Variants in DLG2 observed in about 807,000 individuals in gnomAD.
The protein encoded by DLG2 is discs large MAGUK scaffold protein 2, also known as disks large homolog 2.
DLG2 carries 45 observed loss-of-function variants against 132.5 expected under a neutral mutation model. The ratio of observed to expected loss-of-function variants is 0.34; its 90% CI spans 0.27 to 0.44. The LOEUF is 0.44. Among genes scored for constraint, DLG2 ranks in the 20% least tolerant of loss-of-function variants. The probability of loss-of-function intolerance (pLI) is 1.00; values close to 1 mark genes in which losing one functional copy is unlikely to be tolerated. For missense variants in DLG2, 1,045 were observed against 1,196.9 expected, an observed-to-expected ratio of 0.87 and a Z score of 1.87; for synonymous variants, 424 against 419.6, an observed-to-expected ratio of 1.01 and a Z score of -0.13.
intron 17 of DLG2, among the ~76,000 whole-genome samples, chr11:83,827,636 A>G (rs1359284770): frequency 2.6e-5 from 4 of 152,170 alleles, no homozygotes; most frequent in Admixed American, 2.0e-4. Flanking sequence ...TGGGGTGATC[A>G]TTTTTGGATG....
chr11:85,066,468 C>A (rs570118538), intron 6 of DLG2, among the ~76,000 whole-genome samples: 5 of 151,642 alleles, frequency 3.3e-5, no homozygotes, highest in African/African-American at 1.2e-4. Flanking sequence ...ACTCTGATGA[C>A]AAAGACAGGC....
At chr11:85,565,007 A>G (rs2077451958) in intron 3 of DLG2, among the ~76,000 whole-genome samples, 1 of 152,010 alleles carries the variant, frequency 6.6e-6, no homozygotes, top group South Asian at 2.1e-4. Context: ...GGTAAATTGT[A>G]CTGTATTATT....
At chr11:85,232,770 A>T (rs1055066612) in intron 4 of DLG2, among the ~76,000 whole-genome samples, 6 of 151,988 alleles carry the variant, frequency 3.9e-5, no homozygotes, top group African/African-American at 1.4e-4. Context: ...AGACAAAATA[A>T]TTTATCTAAA....
intron 8 of DLG2, among the ~76,000 whole-genome samples, chr11:84,241,375 C>A (rs183204321): frequency 3.6e-4 from 55 of 152,264 alleles, no homozygotes; most frequent in African/African-American, 1.3e-3. Flanking sequence ...GAAGAAGAGC[C>A]TTCGGGGAAG....
At chr11:84,020,190 G>A (rs1198404944) in intron 11 of DLG2, among the ~76,000 whole-genome samples, 2 of 152,020 alleles carry the variant, frequency 1.3e-5, no homozygotes, top group East Asian at 3.8e-4. Context: ...AGAGAATTTT[G>A]TACATCAAGG....
At chr11:85,306,633 C>T (rs779353184) in intron 3 of DLG2, among the ~76,000 whole-genome samples, 1 of 152,082 alleles carries the variant, frequency 6.6e-6, no homozygotes, top group Non-Finnish European at 1.5e-5. Context: ...TGCAGTGGTA[C>T]GATCTTGGCT....
intron 6 of DLG2, among the ~76,000 whole-genome samples, chr11:85,010,713 G>A (rs2059081066): frequency 6.6e-6 from 1 of 152,046 alleles, no homozygotes; most frequent in African/African-American, 2.4e-5. Flanking sequence ...CTAGAGATCT[G>A]TTTTGCTTGG....
intron 6 of DLG2, among the ~76,000 whole-genome samples, chr11:84,832,941 G>C (rs1012573900): frequency 1.3e-5 from 2 of 151,506 alleles, no homozygotes; most frequent in African/African-American, 4.8e-5. Flanking sequence ...ATCTGTGCCA[G>C]GGTATATCAC....
chr11:84,766,559 C>T lies in DLG2; in HGVS notation c.358-231828G>A, dbSNP rs554525558. Among the ~76,000 whole-genome samples, 3 of 152,146 alleles carry T rather than the reference C, an allele frequency of 2.0e-5. No individual in the cohort carries two copies. In the East Asian group the frequency reaches 5.8e-4, roughly 29 times the overall value. ...GCATAATGTGGAGAACATAACAGCT[C>T]ATCAGTAAATAATTGTTAAACAAAT... On this transcript the variant is annotated intron_variant, in intron 6 of 27. Coordinates refer to ENST00000376104, the MANE Select transcript of DLG2 (RefSeq NM_001142699.3).
chr11:85,376,416 A>G (rs1180538280), intron 3 of DLG2, among the ~76,000 whole-genome samples: 5 of 152,192 alleles, frequency 3.3e-5, no homozygotes, highest in African/African-American at 9.6e-5. Context: ...GGACTCTCCT[A>G]CTCATGGTCT....
At chr11:84,088,667 T>G (rs979768882) in intron 10 of DLG2, among the ~76,000 whole-genome samples, 5 of 152,192 alleles carry the variant, frequency 3.3e-5, no homozygotes, top group African/African-American at 1.2e-4. Context: ...CTTGTCCAAG[T>G]ACTCTATAAA....
chr11:84,283,593 T>C (rs575412662), intron 7 of DLG2, among the ~76,000 whole-genome samples: 87 of 152,342 alleles, frequency 5.7e-4, no homozygotes, highest in African/African-American at 2.0e-3. Context: ...AAGGTAATTG[T>C]AGATTCACCT....
chr11:84,188,985 C>T (rs979701263), intron 8 of DLG2, among the ~76,000 whole-genome samples: 1 of 152,130 alleles, frequency 6.6e-6, no homozygotes, highest in African/African-American at 2.4e-5. Flanking sequence ...AGCCCATTAA[C>T]TAATAAAATT....
At chr11:85,095,338 G>C (rs1042683640) in intron 6 of DLG2, among the ~76,000 whole-genome samples, 1 of 152,160 alleles carries the variant, frequency 6.6e-6, no homozygotes, top group East Asian at 1.9e-4. Context: ...AGAAAACACA[G>C]TATCTGTGAA....
chr11:84,465,327 T>C (rs1343430291), intron 7 of DLG2, among the ~76,000 whole-genome samples: 2 of 151,264 alleles, frequency 1.3e-5, no homozygotes, highest in Admixed American at 1.3e-4. Flanking sequence ...AGTGGGTTTT[T>C]GTTTTTATTT....
At chr11:84,536,100 G>A (rs927779766) in intron 6 of DLG2, among the ~76,000 whole-genome samples, 2 of 151,916 alleles carry the variant, frequency 1.3e-5, no homozygotes, top group African/African-American at 4.8e-5. Context: ...ATACTTTCTG[G>A]GGCAAGGTAG....
intron 6 of DLG2, among the ~76,000 whole-genome samples, chr11:84,917,615 C>T (rs2092548132): frequency 6.6e-6 from 1 of 152,108 alleles, no homozygotes; most frequent in African/African-American, 2.4e-5. Context: ...TACATTCAAA[C>T]TTGTTGATGT....
chr11:84,456,961 T>A (rs2099067071), intron 7 of DLG2, among the ~76,000 whole-genome samples: 1 of 151,288 alleles, frequency 6.6e-6, no homozygotes, highest in African/African-American at 2.4e-5. Context: ...CATTTTAAAA[T>A]AAATTATTGT....
intron 10 of DLG2, among the ~76,000 whole-genome samples, chr11:84,094,557 A>G (rs1307784095): frequency 6.6e-6 from 1 of 152,216 alleles, no homozygotes; most frequent in Non-Finnish European, 1.5e-5. Context: ...CCTATAAACC[A>G]AGGCACTGGC....
Sources: gnomAD v4.1 joint callset for allele counts (sites outside exome capture counted in the v4.1 genomes callset) on GRCh38, gnomAD v4.1.1 for gene constraint, MANE v1.5 for transcripts, NCBI Gene and HGNC (gene_info 2026-07-23, HGNC 2026-07-21) for gene names.